IQCM: variants seen among roughly 807,000 people sequenced by gnomAD.
The protein encoded by IQCM is IQ domain-containing protein M.
Under a neutral mutation model 57.6 loss-of-function variants are expected in IQCM, and 45 were observed. The ratio of observed to expected loss-of-function variants is 0.78; its 90% CI spans 0.62 to 1.00. IQCM has a LOEUF of 1.00. Ranked by LOEUF, IQCM falls within the 50% of genes least tolerant of loss-of-function variation. IQCM has a pLI of 0.00. For missense variants in IQCM, 468 were observed against 511.6 expected (o/e 0.91, Z 0.82); for synonymous variants, 148 against 158.9 (o/e 0.93, Z 0.51).
At chr4:149,543,514 C>T (rs1463553900) in intron 12 of IQCM, among the ~76,000 whole-genome samples, 1 of 140,846 alleles carries the variant, frequency 7.1e-6, no homozygotes, top group Non-Finnish European at 1.5e-5. Flanking sequence ...CGATTTCATC[C>T]ATGTCCCTAC....
chr4:149,466,812 G>A (rs2149719323), intron 12 of IQCM, among the ~76,000 whole-genome samples: 1 of 152,256 alleles, frequency 6.6e-6, no homozygotes. Context: ...TGGAAGCTGG[G>A]AAGTCCAAGA....
chr4:149,562,905 CAGA>C (rs920338696), intron 10 of IQCM, among the ~76,000 whole-genome samples: 1 of 152,102 alleles, frequency 6.6e-6, no homozygotes, highest in Non-Finnish European at 1.5e-5. Flanking sequence ...AGGTTTTTCG[CAGA>C]AGATCAAGGA....
intron 13 of IQCM, among the ~76,000 whole-genome samples, chr4:149,418,785 T>C (rs772580671): frequency 6.6e-6 from 1 of 152,208 alleles, no homozygotes; most frequent in South Asian, 2.1e-4. Context: ...GACAAGGAAC[T>C]TCAGCAAGGT....
intron 12 of IQCM, chr4:149,514,860 C>A (rs1744777373): frequency 6.6e-6 from 1 of 152,150 alleles, no homozygotes. Context: ...ATAGAGCAGG[C>A]AGAAAAATGT....
intron 5 of IQCM, chr4:149,691,650 TTTG>T (rs1266533203): frequency 2.0e-5 from 3 of 152,164 alleles, no homozygotes; most frequent in South Asian, 2.1e-4. Flanking sequence ...TAGTGAAATT[TTTG>T]TTGTTGTTTT....
intron 8 of IQCM, among the ~76,000 whole-genome samples, chr4:149,595,490 A>G (rs1753686892): frequency 6.6e-6 from 1 of 152,196 alleles, no homozygotes; most frequent in Admixed American, 6.6e-5. Flanking sequence ...TACAAATTAT[A>G]TATTAAAACA....
intron 5 of IQCM, among the ~76,000 whole-genome samples, chr4:149,690,146 G>A (rs1258060100): frequency 1.3e-5 from 2 of 152,108 alleles, no homozygotes; most frequent in African/African-American, 2.4e-5. Flanking sequence ...CAATTGCAAA[G>A]ACATAGAACC....
chr4:149,437,054 C>T (rs1476002660), intron 12 of IQCM, among the ~76,000 whole-genome samples: 1 of 152,096 alleles, frequency 6.6e-6, no homozygotes, highest in East Asian at 1.9e-4. Flanking sequence ...AGGGCATTTT[C>T]AATGCCTCCT....
At chr4:149,523,883 G>T (rs568562328) in intron 12 of IQCM, among the ~76,000 whole-genome samples, 1 of 152,212 alleles carries the variant, frequency 6.6e-6, no homozygotes, top group East Asian at 1.9e-4. Flanking sequence ...CAAAGGAAAA[G>T]GGCAGAGTAA....
intron 13 of IQCM, among the ~76,000 whole-genome samples, chr4:149,429,645 A>C (rs1734687175): frequency 6.6e-6 from 1 of 151,952 alleles, no homozygotes; most frequent in Non-Finnish European, 1.5e-5. Flanking sequence ...ATCAATAAAC[A>C]GGAGTACCTA....
rs182556536 is a variant in IQCM, at chr4:149,356,810, C to T, written c.1391-4744G>A. On this transcript the variant is annotated intron_variant, in intron 13 of 13. Coordinates refer to ENST00000636793, the MANE Select transcript of IQCM (RefSeq NM_001363507.2). The stretch of plus-strand genomic sequence containing the variant: ...GTCATTGGTAGCTTGATGGGGATGG[C>T]ATTGAATCTATAAATTACCTTAAGC... 7.9e-3 allele frequency among the ~76,000 whole-genome samples: 1,199 copies of T among 152,250 alleles called. 9 individuals are homozygous for T. The highest frequency in any genetic ancestry group is 0.013 in the Non-Finnish European group (915 of 68,028).
At chr4:149,752,972 A>G (rs527970339) in intron 2 of IQCM, among the ~76,000 whole-genome samples, 3 of 151,422 alleles carry the variant, frequency 2.0e-5, no homozygotes, top group African/African-American at 7.2e-5. Context: ...AAATATCACT[A>G]TCAAAGGGGC....
chr4:149,369,490 A>G (rs1337759386), intron 13 of IQCM, among the ~76,000 whole-genome samples: 1 of 152,180 alleles, frequency 6.6e-6, no homozygotes, highest in Non-Finnish European at 1.5e-5. Context: ...CAAATGTTCT[A>G]CATAACTTGG....
At chr4:149,639,377 G>A (rs1454322518) in intron 7 of IQCM, among the ~76,000 whole-genome samples, 1 of 150,146 alleles carries the variant, frequency 6.7e-6, no homozygotes, top group Non-Finnish European at 1.5e-5. Flanking sequence ...AGTGAGCTAT[G>A]ATCGTGCCGC....
intron 9 of IQCM, among the ~76,000 whole-genome samples, chr4:149,574,003 T>C (rs576701682): frequency 5.3e-5 from 8 of 152,012 alleles, no homozygotes; most frequent in African/African-American, 1.9e-4. Flanking sequence ...AGGTTTTTGT[T>C]CATTTGTTTG....
At chr4:149,489,962 C>T (rs1399558692) in intron 12 of IQCM, among the ~76,000 whole-genome samples, 1 of 151,808 alleles carries the variant, frequency 6.6e-6, no homozygotes, top group East Asian at 1.9e-4. Context: ...TAAATACAAA[C>T]ATCAATATTT....
At chr4:149,509,791 G>T (rs1279416683) in intron 12 of IQCM, among the ~76,000 whole-genome samples, 2 of 151,370 alleles carry the variant, frequency 1.3e-5, no homozygotes, top group Non-Finnish European at 2.9e-5. Context: ...TTCGAATTTG[G>T]TAAAATACTC....
chr4:149,697,832 C>T (rs977805189), intron 5 of IQCM, among the ~76,000 whole-genome samples: 5 of 152,092 alleles, frequency 3.3e-5, no homozygotes, highest in Non-Finnish European at 7.4e-5. Context: ...AGAAGAATGC[C>T]TGGCATATAA....
At chr4:149,512,256 G>C (rs1744502333) in intron 12 of IQCM, among the ~76,000 whole-genome samples, 1 of 151,978 alleles carries the variant, frequency 6.6e-6, no homozygotes, top group African/African-American at 2.4e-5. Context: ...TAGTTTATAG[G>C]GGTTGGGGGG....
Sources: allele counts gnomAD v4.1 joint callset (sites outside exome capture counted in the v4.1 genomes callset), GRCh38; gene constraint gnomAD v4.1.1; transcripts MANE v1.5; gene names NCBI Gene and HGNC (gene_info 2026-07-23, HGNC 2026-07-21).